The following WDPCP variants were observed in gnomAD, a reference collection of about 807,000 sequenced individuals.
The protein encoded by WDPCP is WD repeat-containing and planar cell polarity effector protein fritz homolog.
In WDPCP, 71 loss-of-function variants were observed where a neutral mutation model predicts 93.1. The ratio of observed to expected loss-of-function variants is 0.76; its 90% confidence interval spans 0.63 to 0.93. The LOEUF is 0.93. Ranked by LOEUF, WDPCP falls within the 40% of genes least tolerant of loss-of-function variation. The probability of loss-of-function intolerance (pLI) is 0.00; values close to 1 mark genes in which losing one functional copy is unlikely to be tolerated. For missense variants in WDPCP, 844 were observed against 887.4 expected (o/e 0.95, Z 0.62); for synonymous variants, 315 against 315.0 (o/e 1.00, Z 0.00).
At chr2:63,510,167 A>G (rs1386053168) in intron 1 of WDPCP, among the ~76,000 whole-genome samples, 2 of 152,360 alleles carry the variant, frequency 1.3e-5, no homozygotes, top group Non-Finnish European at 2.9e-5. Context: ...ATGAACATCA[A>G]TGCAAAAATC....
chr2:63,808,624 G>C (rs941021462), intron 2 of WDPCP, among the ~76,000 whole-genome samples: 2 of 152,236 alleles, frequency 1.3e-5, no homozygotes, highest in Non-Finnish European at 2.9e-5. Context: ...GATTGCAGAC[G>C]GAGTCTCGTT....
At chr2:63,279,635 A>T in intron 13 of WDPCP, among the ~76,000 whole-genome samples, 1 of 152,188 alleles carries the variant, frequency 6.6e-6, no homozygotes, top group East Asian at 1.9e-4. Flanking sequence ...GAAAGAAATC[A>T]AGGGCATCCA....
chr2:63,124,187 T>C (rs938433342), intron 17 of WDPCP, among the ~76,000 whole-genome samples: 2 of 151,962 alleles, frequency 1.3e-5, no homozygotes, highest in African/African-American at 4.8e-5. Flanking sequence ...ATTTTAAGCT[T>C]CTGGATAAAC....
chr2:63,556,007 T>C (rs948517064), intron 1 of WDPCP, among the ~76,000 whole-genome samples: 1 of 152,136 alleles, frequency 6.6e-6, no homozygotes. Flanking sequence ...ATGGATGAAT[T>C]GACAGAAGTA....
chr2:63,831,468 G>C (rs1046273086), upstream of WDPCP, among the ~76,000 whole-genome samples: 7 of 151,944 alleles, frequency 4.6e-5, no homozygotes, highest in Admixed American at 4.6e-4. Context: ...TTTTCCACTT[G>C]AGACATAAAG....
chr2:63,805,782 C>T (rs1670755598), intron 2 of WDPCP, among the ~76,000 whole-genome samples: 1 of 152,180 alleles, frequency 6.6e-6, no homozygotes, highest in Non-Finnish European at 1.5e-5. Flanking sequence ...TAATACAGAA[C>T]TTAGTATGAT....
chr2:63,756,648 T>G (rs1052866226), intron 2 of WDPCP, among the ~76,000 whole-genome samples: 3 of 152,208 alleles, frequency 2.0e-5, no homozygotes, highest in African/African-American at 7.2e-5. Flanking sequence ...ATTTCTTACA[T>G]GGGCAAGTCA....
chr2:63,759,606 T>C (rs1359375181), intron 2 of WDPCP, among the ~76,000 whole-genome samples: 1 of 152,242 alleles, frequency 6.6e-6, no homozygotes, highest in Non-Finnish European at 1.5e-5. Flanking sequence ...TTTAATGTTA[T>C]GTTCATGCAG....
At chr2:63,355,555 A>G (rs1456283293) in intron 12 of WDPCP, among the ~76,000 whole-genome samples, 2 of 152,164 alleles carry the variant, frequency 1.3e-5, no homozygotes, top group African/African-American at 4.8e-5. Context: ...AGCTAACATA[A>G]TAACCAGCTA....
intron 1 of WDPCP, among the ~76,000 whole-genome samples, chr2:63,557,090 C>T (rs1321944296): frequency 2.6e-5 from 4 of 152,166 alleles, no homozygotes; most frequent in African/African-American, 9.7e-5. Context: ...ACCAATGACA[C>T]TATGAAGCAA....
chr2:63,399,162 T>A (rs1388745541), intron 10 of WDPCP, among the ~76,000 whole-genome samples: 3 of 152,192 alleles, frequency 2.0e-5, no homozygotes, highest in Non-Finnish European at 2.9e-5. Flanking sequence ...TCTATAAAAC[T>A]TAAGAGTCAT....
intron 14 of WDPCP, among the ~76,000 whole-genome samples, chr2:63,231,162 T>C (rs192425070): frequency 1.1e-4 from 17 of 152,180 alleles, no homozygotes; most frequent in Non-Finnish European, 2.2e-4. Context: ...GTAAACTAGG[T>C]ATTCATGGGA....
intron 14 of WDPCP, among the ~76,000 whole-genome samples, chr2:63,186,019 A>T (rs1674612842): frequency 1.3e-5 from 2 of 152,130 alleles, no homozygotes; most frequent in Non-Finnish European, 2.9e-5. Flanking sequence ...GGGTAGAAAC[A>T]CTGCTGCTGC....
chr2:63,599,215 T>C (rs1709375752), intron 3 of WDPCP: 5 of 1,613,786 alleles, frequency 3.1e-6, no homozygotes, highest in Non-Finnish European at 4.2e-6. Flanking sequence ...CCTGACTGCT[T>C]CCAAGTCAGC....
intron 6 of WDPCP, among the ~76,000 whole-genome samples, chr2:63,446,293 A>G (rs1367987279): frequency 6.6e-6 from 1 of 152,194 alleles, no homozygotes; most frequent in Non-Finnish European, 1.5e-5. Flanking sequence ...ACCCCCTGTC[A>G]GATCAGCTGC....
intron 14 of WDPCP, among the ~76,000 whole-genome samples, chr2:63,220,686 A>G (rs189190068): frequency 3.9e-5 from 6 of 152,282 alleles, no homozygotes; most frequent in Admixed American, 6.5e-5. Context: ...GTACATTATT[A>G]TATGCATATT....
chr2:63,409,611 C>A (rs935107730), intron 9 of WDPCP, among the ~76,000 whole-genome samples: 3 of 151,898 alleles, frequency 2.0e-5, no homozygotes, highest in African/African-American at 7.3e-5. Flanking sequence ...AGGGAGGGAC[C>A]AGAGAAAGGT....
intron 15 of WDPCP, among the ~76,000 whole-genome samples, chr2:63,160,099 T>C (rs1408984641): frequency 4.6e-5 from 7 of 152,188 alleles, no homozygotes; most frequent in African/African-American, 1.7e-4. Context: ...TTATTTCTTC[T>C]GTATTATTTA....
chr2:63,718,170 A>G (rs1386704680), intron 2 of WDPCP, among the ~76,000 whole-genome samples: 2 of 152,054 alleles, frequency 1.3e-5, no homozygotes, highest in Non-Finnish European at 2.9e-5. Flanking sequence ...GATGGACACT[A>G]CTTAGGTTGA....
Sources: allele counts gnomAD v4.1 joint callset (sites outside exome capture counted in the v4.1 genomes callset), GRCh38; gene constraint gnomAD v4.1.1; transcripts MANE v1.5; gene names NCBI Gene and HGNC (gene_info 2026-07-23, HGNC 2026-07-21).